FHIT: variants seen among roughly 807,000 people sequenced by gnomAD.
FHIT encodes fragile histidine triad diadenosine triphosphatase.
Under a neutral mutation model 17.9 loss-of-function variants are expected in FHIT, and 19 were observed. That is an observed-to-expected ratio of 1.06 (90% CI 0.74 to 1.56). The LOEUF (loss-of-function observed/expected upper bound fraction) is 1.56, where lower values mean the gene tolerates loss of function less well. Ranked by LOEUF, FHIT falls within the 40% of genes most tolerant of loss-of-function variation. The pLI is 0.00. For missense variants in FHIT, 248 were observed against 189.2 expected (o/e 1.31, Z -1.82); for synonymous variants, 81 against 69.7 (o/e 1.16, Z -0.81).
intron 8 of FHIT, among the ~76,000 whole-genome samples, chr3:59,902,793 A>G (rs1006656341): frequency 6.6e-6 from 1 of 152,182 alleles, no homozygotes; most frequent in African/African-American, 2.4e-5. Context: ...AGGGCCAGGC[A>G]TGGGGGAAAT....
At chr3:61,195,252 T>C (rs1278323491) in intron 2 of FHIT, among the ~76,000 whole-genome samples, 1 of 151,798 alleles carries the variant, frequency 6.6e-6, no homozygotes, top group African/African-American at 2.4e-5. Flanking sequence ...CTATGGGACA[T>C]AATTTCTCCC....
intron 3 of FHIT, among the ~76,000 whole-genome samples, chr3:60,957,324 G>A (rs1486686113): frequency 7.4e-6 from 1 of 135,112 alleles, no homozygotes; most frequent in African/African-American, 2.8e-5. Context: ...TGCAACCTCC[G>A]CCTCCCGGGT....
chr3:60,783,409 A>C (rs1268701186), intron 4 of FHIT, among the ~76,000 whole-genome samples: 1 of 152,238 alleles, frequency 6.6e-6, no homozygotes, highest in Non-Finnish European at 1.5e-5. Flanking sequence ...CATGCTACAG[A>C]TGCCCACAAA....
intron 5 of FHIT, among the ~76,000 whole-genome samples, chr3:60,175,108 T>C (rs982632177): frequency 1.3e-5 from 2 of 152,218 alleles, no homozygotes; most frequent in African/African-American, 4.8e-5. Flanking sequence ...GATGACACTA[T>C]GTCAACCTAT....
At chr3:60,115,543 T>C (rs1704917300) in intron 5 of FHIT, among the ~76,000 whole-genome samples, 1 of 152,186 alleles carries the variant, frequency 6.6e-6, no homozygotes, top group Admixed American at 6.5e-5. Context: ...AAGGGAAAAT[T>C]GGCCTACATA....
chr3:60,782,590 G>A (rs1700430836), intron 4 of FHIT, among the ~76,000 whole-genome samples: 1 of 152,144 alleles, frequency 6.6e-6, no homozygotes, highest in Admixed American at 6.6e-5. Flanking sequence ...AAGAAGAACA[G>A]AACAAAACAG....
intron 5 of FHIT, among the ~76,000 whole-genome samples, chr3:60,368,403 T>A (rs1347472568): frequency 6.6e-6 from 1 of 152,028 alleles, no homozygotes; most frequent in Admixed American, 6.5e-5. Context: ...ATTGAACACC[T>A]TTTAATGGAC....
chr3:61,141,149 G>A (rs1452144550), intron 2 of FHIT, among the ~76,000 whole-genome samples: 1 of 151,392 alleles, frequency 6.6e-6, no homozygotes, highest in East Asian at 2.0e-4. Flanking sequence ...GAGATGTGAA[G>A]TTTCCGGTGA....
intron 3 of FHIT, among the ~76,000 whole-genome samples, chr3:60,838,714 C>T (rs2106851120): frequency 6.6e-6 from 1 of 151,890 alleles, no homozygotes; most frequent in South Asian, 2.1e-4. Flanking sequence ...TACAATAAAC[C>T]GGATCCTATC....
intron 5 of FHIT, among the ~76,000 whole-genome samples, chr3:60,044,367 C>T (rs1457813112): frequency 6.6e-6 from 1 of 152,172 alleles, no homozygotes; most frequent in African/African-American, 2.4e-5. Context: ...CTAAGTAGAA[C>T]AGAGCACTCC....
intron 5 of FHIT, among the ~76,000 whole-genome samples, chr3:60,042,701 G>A (rs1701490262): frequency 6.6e-6 from 1 of 152,010 alleles, no homozygotes. Flanking sequence ...CACATTCAGA[G>A]GCACTAGGGA....
chr3:59,997,675 A>G (rs1345029290), intron 7 of FHIT, among the ~76,000 whole-genome samples: 1 of 152,196 alleles, frequency 6.6e-6, no homozygotes, highest in African/African-American at 2.4e-5. Flanking sequence ...TCACAAATCA[A>G]CTTATCACAA....
At chr3:60,143,526 C>G (rs542133038) in intron 5 of FHIT, among the ~76,000 whole-genome samples, 1 of 152,120 alleles carries the variant, frequency 6.6e-6, no homozygotes, top group Admixed American at 6.6e-5. Context: ...CAGCCTAGAT[C>G]TGCTAAACCC....
At chr3:60,104,064 G>A (rs1008509542) in intron 5 of FHIT, among the ~76,000 whole-genome samples, 6 of 152,188 alleles carry the variant, frequency 3.9e-5, no homozygotes, top group Admixed American at 3.9e-4. Flanking sequence ...AGGATTTTGA[G>A]AAGAGTGAGG....
chr3:60,025,120 T>C (rs369167494), intron 5 of FHIT, among the ~76,000 whole-genome samples: 1 of 152,132 alleles, frequency 6.6e-6, no homozygotes, highest in Non-Finnish European at 1.5e-5. Context: ...TGATGTAATT[T>C]TGAGATACGG....
chr3:60,222,899 T>C (rs899143674), intron 5 of FHIT, among the ~76,000 whole-genome samples: 1 of 152,080 alleles, frequency 6.6e-6, no homozygotes, highest in Non-Finnish European at 1.5e-5. Context: ...AGACTCCATC[T>C]CAAAAACAAA....
chr3:60,290,539 G>C (rs1340498117), intron 5 of FHIT, among the ~76,000 whole-genome samples: 3 of 152,034 alleles, frequency 2.0e-5, no homozygotes, highest in South Asian at 2.1e-4. Context: ...AGTGAATCTG[G>C]AAGTGGAATG....
At chr3:60,682,383 C>A (rs1346743863) in intron 4 of FHIT, among the ~76,000 whole-genome samples, 16 of 152,208 alleles carry the variant, frequency 1.1e-4, no homozygotes, top group Admixed American at 6.5e-4. Flanking sequence ...CTTCAAAGAA[C>A]AGGCTGATTC....
intron 3 of FHIT, among the ~76,000 whole-genome samples, chr3:60,926,770 G>A (rs1406229422): frequency 6.6e-6 from 1 of 152,112 alleles, no homozygotes. Context: ...CCAGGAGCTG[G>A]TTTTTTGAAA....
Sources: allele counts gnomAD v4.1 joint callset (sites outside exome capture counted in the v4.1 genomes callset), GRCh38; gene constraint gnomAD v4.1.1; transcripts MANE v1.5; gene names NCBI Gene and HGNC (gene_info 2026-07-23, HGNC 2026-07-21).